GLRA3: variants seen among roughly 807,000 people sequenced by gnomAD.
GLRA3 encodes glycine receptor subunit alpha-3.
GLRA3 carries 44 observed loss-of-function variants against 60.4 expected under a neutral mutation model. That is an observed-to-expected ratio of 0.73 (90% CI 0.57 to 0.94). GLRA3 has a LOEUF of 0.94. GLRA3 is among the 40% of genes least tolerant of loss of function. The pLI, the probability that GLRA3 is intolerant of heterozygous loss-of-function variation, is 0.00. For missense variants in GLRA3, 508 were observed against 564.6 expected, an observed-to-expected ratio of 0.90 and a Z score of 1.02; for synonymous variants, 223 against 192.9, an observed-to-expected ratio of 1.16 and a Z score of -1.29.
intron 4 of GLRA3, among the ~76,000 whole-genome samples, chr4:174,717,061 A>G (rs533838388): frequency 2.8e-4 from 42 of 150,920 alleles, no homozygotes; most frequent in Middle Eastern, 3.4e-3. Flanking sequence ...TATATATTTT[A>G]AATTAGCCAG....
At chr4:174,685,059 T>C (rs1431061155) in intron 5 of GLRA3, among the ~76,000 whole-genome samples, 2 of 152,040 alleles carry the variant, frequency 1.3e-5, no homozygotes, top group East Asian at 1.9e-4. Context: ...GCTCCAGGTC[T>C]GTGAGGCAGC....
intron 1 of GLRA3, among the ~76,000 whole-genome samples, chr4:174,790,825 CAAAAAAAA>C (rs751090125): frequency 1.5e-5 from 1 of 65,124 alleles, no homozygotes; most frequent in African/African-American, 7.1e-5. Flanking sequence ...CTAAAAAATA[CAAAAAAAA>C]AAAAAAAAAA....
chr4:174,657,597 G>A (rs143568511), intron 8 of GLRA3, among the ~76,000 whole-genome samples: 83 of 151,836 alleles, frequency 5.5e-4, no homozygotes, highest in Non-Finnish European at 8.7e-4. Flanking sequence ...TTGTACTGTC[G>A]TTGTTCAACC....
intron 3 of GLRA3, among the ~76,000 whole-genome samples, chr4:174,745,286 G>C (rs1737197580): frequency 6.6e-6 from 1 of 152,092 alleles, no homozygotes; most frequent in South Asian, 2.1e-4. Flanking sequence ...TCCATATACA[G>C]GAGGCCCAGT....
At chr4:174,698,033 C>A (rs1735132512) in intron 5 of GLRA3, among the ~76,000 whole-genome samples, 1 of 152,020 alleles carries the variant, frequency 6.6e-6, no homozygotes, top group Non-Finnish European at 1.5e-5. Context: ...CAGATCTGCT[C>A]AAATTTGTGA....
At chr4:174,652,046 T>G (rs1219732859) in intron 9 of GLRA3, among the ~76,000 whole-genome samples, 1 of 152,020 alleles carries the variant, frequency 6.6e-6, no homozygotes, top group African/African-American at 2.4e-5. Context: ...TAAACAATAA[T>G]TTTAAGCATG....
chr4:174,708,371 A>C (rs1398250096), intron 5 of GLRA3, among the ~76,000 whole-genome samples: 1 of 151,982 alleles, frequency 6.6e-6, no homozygotes, highest in African/African-American at 2.4e-5. Context: ...TTTCTATCCC[A>C]AAACCCCATT....
In GLRA3 at chr4:174,816,463, T is replaced by C. The variant is rs1443254555; in HGVS notation, c.71+12278A>G. Among the ~76,000 whole-genome samples, 3 of 152,356 alleles carry C rather than the reference T, an allele frequency of 2.0e-5. No homozygotes were observed. The East Asian group carries it at 5.8e-4, about 29-fold the overall frequency. ...TATCTCATAGGCATCACGTTCACTA[T>C]ACATATCTAGAACTTAACTCACGAT... is the stretch of plus-strand genomic sequence containing the variant. On this transcript the variant is annotated intron_variant, in intron 1 of 9. Transcript: ENST00000274093.
chr4:174,723,680 A>C lies in GLRA3; in HGVS notation c.491+4795T>G, dbSNP rs967609294. Among the ~76,000 whole-genome samples the C allele has an allele frequency of 5.9e-5, 9 of 152,212 alleles. No individual in the cohort carries two copies. The South Asian group carries it at 1.9e-3, about 32-fold the overall frequency. On this transcript the variant is annotated intron_variant, in intron 4 of 9. Coordinates refer to ENST00000274093, the MANE Select transcript of GLRA3 (RefSeq NM_006529.4). The stretch of plus-strand genomic sequence containing the variant: ...GTACTTCAAAATATAATTAAAAATA[A>C]AATGACACCTTTTACAAAAATAATT...
At chr4:174,800,152 T>C (rs574070785) in intron 1 of GLRA3, among the ~76,000 whole-genome samples, 3 of 151,756 alleles carry the variant, frequency 2.0e-5, no homozygotes, top group Admixed American at 6.6e-5. Flanking sequence ...CAGAAGAAAA[T>C]GTATAGAAGG....
At chr4:174,774,565 A>AGTGC (rs1738519568) in intron 2 of GLRA3, among the ~76,000 whole-genome samples, 1 of 152,138 alleles carries the variant, frequency 6.6e-6, no homozygotes, top group Non-Finnish European at 1.5e-5. Flanking sequence ...ATCCCTGCTA[A>AGTGC]ATGCACTACC....
chr4:174,804,047 G>T (rs972593754), intron 1 of GLRA3, among the ~76,000 whole-genome samples: 6 of 152,022 alleles, frequency 3.9e-5, no homozygotes, highest in African/African-American at 1.4e-4. Context: ...GTAGTCTGGG[G>T]TTTATATTGT....
chr4:174,692,868 CTT>C (rs1335208882), intron 5 of GLRA3, among the ~76,000 whole-genome samples: 1 of 151,720 alleles, frequency 6.6e-6, no homozygotes, highest in Non-Finnish European at 1.5e-5. Flanking sequence ...ATCTGCTGAC[CTT>C]CCCTCCACTA....
At position 174,761,118 on chromosome 4, in the gene GLRA3, GT is replaced by G. The variant is rs746684714; in HGVS notation, c.267+5844del. 1.4e-4 allele frequency among the ~76,000 whole-genome samples: 21 copies of G among 151,620 alleles called. 1 individual carries two copies. The East Asian group carries it at 4.1e-3, about 29-fold the overall frequency. ...TGTTTAATTTCTTAAGATGGTGATA[GT>G]TTTTTTTAGTGTTACTTATAATCCA... On this transcript the variant is annotated intron_variant, in intron 3 of 9. Coordinates refer to ENST00000274093, the MANE Select transcript of GLRA3 (RefSeq NM_006529.4).
intron 3 of GLRA3, among the ~76,000 whole-genome samples, chr4:174,750,269 G>T (rs1280063025): frequency 2.6e-5 from 4 of 152,128 alleles, no homozygotes; most frequent in Non-Finnish European, 5.9e-5. Flanking sequence ...TGTTTACAGA[G>T]ATTCTAGATG....
rs537559147 is a variant in GLRA3 at position 174,815,992 on chromosome 4, C to T, written c.71+12749G>A. 3.0e-4 allele frequency among the ~76,000 whole-genome samples: 46 copies of T among 152,120 alleles called. 1 individual carries two copies. The highest frequency in any genetic ancestry group is 5.9e-4 in the Non-Finnish European group (40 of 68,020). On this transcript the variant is annotated intron_variant, in intron 1 of 9. Coordinates refer to ENST00000274093, the MANE Select transcript of GLRA3 (RefSeq NM_006529.4). ...CAAATTTTCTGAACTTTTATGTTGT[C>T]TCCCTTTTAAAAATGAGTGCACGTG...
intron 3 of GLRA3, among the ~76,000 whole-genome samples, chr4:174,762,182 T>G (rs1484771019): frequency 6.6e-6 from 1 of 152,170 alleles, no homozygotes; most frequent in Non-Finnish European, 1.5e-5. Flanking sequence ...TTCTCTCTTT[T>G]TCAAATTTTA....
chr4:174,790,765 G>A (rs1739304305), intron 1 of GLRA3, among the ~76,000 whole-genome samples: 1 of 149,348 alleles, frequency 6.7e-6, no homozygotes, highest in Non-Finnish European at 1.5e-5. Context: ...TGGATCACGA[G>A]GTAAGGAGAT....
At chr4:174,749,994 C>T (rs1326254428) in intron 3 of GLRA3, among the ~76,000 whole-genome samples, 1 of 152,088 alleles carries the variant, frequency 6.6e-6, no homozygotes, top group African/African-American at 2.4e-5. Context: ...GCTCCTCCTC[C>T]CATGTATGAT....
Sources: gnomAD v4.1 joint callset for allele counts (sites outside exome capture counted in the v4.1 genomes callset) on GRCh38, gnomAD v4.1.1 for gene constraint, MANE v1.5 for transcripts, NCBI Gene and HGNC (gene_info 2026-07-23, HGNC 2026-07-21) for gene names.